DYNLT1: variants seen among roughly 807,000 people sequenced by gnomAD.
DYNLT1 encodes T-complex testis-specific protein 1 homolog.
DYNLT1 carries 18 observed loss-of-function variants against 19.6 expected under a neutral mutation model. The observed-to-expected ratio is 0.92, with a 90% confidence interval of 0.64 to 1.36. DYNLT1 has a LOEUF of 1.36. Ranked by LOEUF, DYNLT1 falls within the 40% of genes most tolerant of loss-of-function variation. The pLI, the probability that DYNLT1 is intolerant of heterozygous loss-of-function variation, is 0.00. For synonymous variants in DYNLT1, 56 were observed against 44.0 expected, an observed-to-expected ratio of 1.27 and a Z score of -1.07; for missense variants, 137 against 139.3, an observed-to-expected ratio of 0.98 and a Z score of 0.08.
chr6:158,644,699 A>T lies in DYNLT1; in HGVS notation c.10T>A (p.Tyr4Asn), dbSNP rs1787321262. 7.4e-6 allele frequency: 12 copies of T among 1,611,932 alleles called. No individual in the cohort carries two copies. The highest frequency in any genetic ancestry group is 1.0e-5 in the Non-Finnish European group (12 of 1,179,692). MEDYQAAEETAFVV... is the reference protein window; with the variant it reads MEDNQAAEETAFVV... ...GCGGTTACCTCCTCCGCAGCCTGGT[A>T]GTCTTCCATCTTTCCTCCGGCGCGT... The change falls in exon 1 of 5, where the codon TAC becomes AAC. Residue 4 changes from tyrosine to asparagine, a missense_variant. Coordinates refer to ENST00000367089, the MANE Select transcript of DYNLT1 (RefSeq NM_006519.4).
Position 158,637,905 on chromosome 6 carries a change from A to C in DYNLT1, c.70-11T>G. ...TGCGCTTTCTATAGCCTAGAAAACA[A>C]AGCACAAAGCGCGTCCCGGTTAACC... On this transcript the variant is annotated splice_polypyrimidine_tract_variant and intron_variant, in intron 2 of 4. Transcript: ENST00000367089. The C allele has an allele frequency of 6.2e-7, 1 of 1,600,786 alleles. No homozygotes were observed. Among genetic ancestry groups the C allele is most frequent in the Non-Finnish European group, 8.5e-7 (1 of 1,179,762 alleles).
intron 4 of DYNLT1, 31 bp downstream of exon 4, chr6:158,637,097 A>G: frequency 6.2e-7 from 1 of 1,613,844 alleles, no homozygotes; most frequent in Non-Finnish European, 8.5e-7. Context: ...TTCACACAAC[A>G]AAACTTCACA....
chr6:158,643,980 ATT>A (rs1443465070), intron 1 of DYNLT1, among the ~76,000 whole-genome samples: 1 of 151,800 alleles, frequency 6.6e-6, no homozygotes, highest in African/African-American at 2.4e-5. Context: ...AAGGAAAGCC[ATT>A]TAACGCACAC....
At chr6:158,644,571 A>C in intron 1 of DYNLT1, 111 bp downstream of exon 1, 1 of 1,334,952 alleles carries the variant, frequency 7.5e-7, no homozygotes, top group South Asian at 1.3e-5. Flanking sequence ...GGCTGCCGAG[A>C]CTGGCCTAGC....
chr6:158,641,014 A>C (rs1031056927), intron 2 of DYNLT1, among the ~76,000 whole-genome samples: 1 of 152,234 alleles, frequency 6.6e-6, no homozygotes, highest in Non-Finnish European at 1.5e-5. Flanking sequence ...CTCTTTCTTC[A>C]TTCAACCCTG....
chr6:158,638,403 T>G (rs1253803618), intron 2 of DYNLT1, among the ~76,000 whole-genome samples: 4 of 152,300 alleles, frequency 2.6e-5, no homozygotes, highest in Admixed American at 2.0e-4. Context: ...ATTCCAAAAC[T>G]TATTTTAGGT....
At chr6:158,637,455 G>T (rs1787035283) in intron 3 of DYNLT1, 1 of 612,704 alleles carries the variant, frequency 1.6e-6, no homozygotes, top group Non-Finnish European at 2.9e-6. Flanking sequence ...TTAATACCCT[G>T]GTAAATCCAT....
At chr6:158,640,275 A>G (rs1787108882) in intron 2 of DYNLT1, among the ~76,000 whole-genome samples, 1 of 152,254 alleles carries the variant, frequency 6.6e-6, no homozygotes, top group Admixed American at 6.5e-5. Flanking sequence ...TACTGATCAC[A>G]AACATAGGTT....
chr6:158,637,229 T>TA, intron 3 of DYNLT1, 24 bp from the exon 4 acceptor site: 2 of 1,608,578 alleles, frequency 1.2e-6, no homozygotes, highest in Non-Finnish European at 1.7e-6. Context: ...AAATTTTTGT[T>TA]AGAGAAGTCT....
rs558339730 is a variant in DYNLT1, at chr6:158,639,587, T to C, written c.70-1693A>G. 5.3e-5 allele frequency among the ~76,000 whole-genome samples: 8 copies of C among 152,328 alleles called. No homozygotes were observed. The South Asian group carries it at 6.2e-4, about 12-fold the overall frequency. ...GGTCACTTGAGTACAGAATTACCTA[T>C]TGCGGCGGCAAAAAAGCTGTTGAGG... On this transcript the variant is annotated intron_variant, in intron 2 of 4. Coordinates refer to ENST00000367089, the MANE Select transcript of DYNLT1 (RefSeq NM_006519.4).
chr6:158,640,774 T>C (rs924906496), intron 2 of DYNLT1, among the ~76,000 whole-genome samples: 4 of 152,220 alleles, frequency 2.6e-5, no homozygotes, highest in Admixed American at 2.0e-4. Flanking sequence ...GTGTCTGCCC[T>C]GCCTGCCCCT....
In DYNLT1 at chr6:158,636,749, G is replaced by A; in HGVS notation, c.*78C>T. The A allele has an allele frequency of 1.4e-6, 2 of 1,451,138 alleles. No individual in the cohort carries two copies. The highest frequency in any genetic ancestry group is 1.9e-6 in the Non-Finnish European group (2 of 1,061,548). The allele number at this position is 1,451,138 out of a possible 1,614,324, so 89.9% of individuals were successfully genotyped here. On this transcript the variant is annotated 3_prime_UTR_variant, in exon 5 of 5. Coordinates refer to ENST00000367089, the MANE Select transcript of DYNLT1 (RefSeq NM_006519.4). ...CCACAAAACAAAGAGAATGAGAAAA[G>A]AGTTCACTGAATTCATGGCTGGTGG...
intron 2 of DYNLT1, among the ~76,000 whole-genome samples, chr6:158,639,081 TCCA>T (rs1787082558): frequency 6.6e-6 from 1 of 152,132 alleles, no homozygotes; most frequent in Admixed American, 6.5e-5. Flanking sequence ...AAACCAGCAG[TCCA>T]GGGATCTGAG....
At chr6:158,642,982 T>C (rs1787171607) in intron 1 of DYNLT1, among the ~76,000 whole-genome samples, 2 of 152,136 alleles carry the variant, frequency 1.3e-5, no homozygotes, top group African/African-American at 2.4e-5. Flanking sequence ...GAACGGGCCA[T>C]TCAGTAAATA....
In DYNLT1 at chr6:158,637,224, T is replaced by A; in HGVS notation, c.194-19A>T. On this transcript the variant is annotated intron_variant, in intron 3 of 4. Coordinates refer to ENST00000367089, the MANE Select transcript of DYNLT1 (RefSeq NM_006519.4). ...CAGGTCACTTAAGTTAAAACAAATT[T>A]TTGTTAGAGAAGTCTACTGGGTAAC... 1 of 1,612,184 alleles carries A rather than the reference T, an allele frequency of 6.2e-7. No homozygotes were observed. The highest frequency in any genetic ancestry group is 8.5e-7 in the Non-Finnish European group (1 of 1,178,760).
rs1434866239 is a variant in DYNLT1, at chr6:158,637,149, A to C, written c.250T>G (p.Phe84Val). ...GAGLHTASSC[F>V]WDSSTDGSCT... The stretch of plus-strand genomic sequence containing the variant: ...ATACCGTCAGTAGAGCTGTCCCAGA[A>C]GCAGGAACTTGCTGTGTGTAATCCA... Residue 84 changes from phenylalanine (F) to valine (V), a missense_variant, in exon 4 of 5, where the codon TTC (phenylalanine) becomes GTC (valine). Transcript: ENST00000367089. The C allele has an allele frequency of 6.8e-6, 11 of 1,614,146 alleles. No individual in the cohort carries two copies. Among genetic ancestry groups the C allele is most frequent in the Non-Finnish European group, 9.3e-6 (11 of 1,180,052 alleles).
chr6:158,637,304 G>T, intron 3 of DYNLT1, 99 bp from the exon 4 acceptor site: 1 of 1,071,360 alleles, frequency 9.3e-7, no homozygotes, highest in Non-Finnish European at 1.4e-6. Context: ...AGCTCCACGT[G>T]GTTGATGTTC....
At chr6:158,637,573 C>T (rs749006731) in intron 3 of DYNLT1, 198 bp downstream of exon 3, 42 of 780,922 alleles carry the variant, frequency 5.4e-5, no homozygotes, top group Non-Finnish European at 7.8e-5. Flanking sequence ...TGTAAGATCC[C>T]GCTTCACATA....
rs373781147 is a variant in DYNLT1, at chr6:158,636,777, A to G, written c.*50T>C. ...TTCACTGAATTCATGGCTGGTGGTTAGAGGATGAACTAGAGACAAAAGGAG... is the reference window on the plus strand; with the variant it reads ...TTCACTGAATTCATGGCTGGTGGTTGGAGGATGAACTAGAGACAAAAGGAG... On this transcript the variant is annotated 3_prime_UTR_variant, in exon 5 of 5. Coordinates refer to ENST00000367089, the MANE Select transcript of DYNLT1 (RefSeq NM_006519.4). 3.2e-6 allele frequency: 5 copies of G among 1,548,640 alleles called. No homozygotes were observed. Among genetic ancestry groups the G allele is most frequent in the Non-Finnish European group, 3.5e-6 (4 of 1,136,126 alleles).
Sources: allele counts gnomAD v4.1 joint callset (sites outside exome capture counted in the v4.1 genomes callset), GRCh38; gene constraint gnomAD v4.1.1; transcripts MANE v1.5; gene names NCBI Gene and HGNC (gene_info 2026-07-23, HGNC 2026-07-21).